Variants in ARHGEF18 observed in about 807,000 individuals in gnomAD.
ARHGEF18 encodes the protein Rho/Rac guanine nucleotide exchange factor 18.
A neutral mutation model predicts 155.7 loss-of-function variants in ARHGEF18; 93 were observed. The observed-to-expected ratio is 0.60, with a 90% confidence interval of 0.50 to 0.71. The LOEUF is 0.71. ARHGEF18 is among the 30% of genes least tolerant of loss of function. The pLI is 0.00. For missense variants in ARHGEF18, 1,593 were observed against 1,816.1 expected, an observed-to-expected ratio of 0.88 and a Z score of 2.23; for synonymous variants, 742 against 753.1, an observed-to-expected ratio of 0.99 and a Z score of 0.24.
Position 7,431,100 on chromosome 19 carries a change from G to A in ARHGEF18, c.968-9244G>A, listed in dbSNP as rs1233746216. On this transcript the variant is annotated intron_variant, in intron 10 of 28. Coordinates refer to ENST00000668164, the MANE Select transcript of ARHGEF18 (RefSeq NM_001367823.1). ...GACAAGGAGGTTGAGGCTGCAGTGA[G>A]CCGTGATCGTGCCTGTGTACTATAG... is the stretch of plus-strand genomic sequence containing the variant. Among the ~76,000 whole-genome samples, 4 of 152,234 alleles carry A rather than the reference G, an allele frequency of 2.6e-5. No individual in the cohort carries two copies. In the East Asian group the frequency reaches 5.8e-4, roughly 22 times the overall value.
chr19:7,434,087 A>G (rs1974122716), intron 10 of ARHGEF18, among the ~76,000 whole-genome samples: 1 of 151,388 alleles, frequency 6.6e-6, no homozygotes, highest in South Asian at 2.1e-4. Context: ...TGCAGGTGGG[A>G]TCCTGACACC....
chr19:7,470,015 C>T lies in ARHGEF18; in HGVS notation c.3899C>T (p.Pro1300Leu), dbSNP rs765250015. 5 of 1,613,046 alleles carry T rather than the reference C, an allele frequency of 3.1e-6. No individual in the cohort carries two copies. The highest frequency in any genetic ancestry group is 8.5e-7 in the Non-Finnish European group (1 of 1,179,886). Residue 1300 changes from proline to leucine, a missense_variant, in exon 28 of 29, where the codon CCT becomes CTT. Pro to Leu is a moderately conservative substitution (Grantham distance 98). Transcript: ENST00000668164. This position sits in a 1 kb window ranked among gnomAD's most constrained non-coding sequence, Gnocchi z 5.9. ...LSPILPGRHSPAPPPDPGFPA... is the reference protein window; with the variant it reads ...LSPILPGRHSLAPPPDPGFPA... ...CCTATCCTGCCCGGCAGACACAGTC[C>T]TGCGCCCCCACCAGGTGAGCCCCCA... is the stretch of plus-strand genomic sequence containing the variant.
chr19:7,441,032 T>C (rs1244908478), intron 11 of ARHGEF18, among the ~76,000 whole-genome samples: 1 of 151,890 alleles, frequency 6.6e-6, no homozygotes, highest in Non-Finnish European at 1.5e-5. Flanking sequence ...GTAGACAGGA[T>C]CCCAGGGGCC....
At chr19:7,355,936 C>T (rs868571059) in intron 1 of ARHGEF18, among the ~76,000 whole-genome samples, 1 of 152,142 alleles carries the variant, frequency 6.6e-6, no homozygotes, top group Non-Finnish European at 1.5e-5. Flanking sequence ...GAATTTGTCT[C>T]GGGCGGTAAA....
chr19:7,354,141 C>A (rs1969225211), intron 1 of ARHGEF18, among the ~76,000 whole-genome samples: 2 of 151,222 alleles, frequency 1.3e-5, no homozygotes, highest in Admixed American at 6.6e-5. Flanking sequence ...AGACCCCATC[C>A]CTACAAAAAA....
intron 16 of ARHGEF18, among the ~76,000 whole-genome samples, chr19:7,451,791 G>T (rs773325498): frequency 6.6e-6 from 1 of 151,742 alleles, no homozygotes; most frequent in South Asian, 2.1e-4. Context: ...GCACGATCTC[G>T]GCTCACTGCA....
At chr19:7,441,478 C>A (rs1337931575) in intron 11 of ARHGEF18, among the ~76,000 whole-genome samples, 175 bp from the exon 12 acceptor site, 1 of 152,142 alleles carries the variant, frequency 6.6e-6, no homozygotes, top group African/African-American at 2.4e-5. Flanking sequence ...CTGCACCTGG[C>A]AAATCTCCCA....
At chr19:7,394,991 A>G (rs1948020222) in intron 10 of ARHGEF18, 1 of 952,082 alleles carries the variant, frequency 1.1e-6, no homozygotes. Flanking sequence ...ACGCCCCCTC[A>G]CCACGGCTCG....
intron 10 of ARHGEF18, among the ~76,000 whole-genome samples, chr19:7,419,321 AC>A (rs1973214915): frequency 1.5e-5 from 2 of 133,576 alleles, no homozygotes. Context: ...TGGCCCCCAC[AC>A]CCGGGTGTGC....
chr19:7,389,839 G>T (rs1971298669), intron 10 of ARHGEF18, among the ~76,000 whole-genome samples: 1 of 152,084 alleles, frequency 6.6e-6, no homozygotes, highest in South Asian at 2.1e-4. Context: ...CTTTCTCCTG[G>T]AGACATCATT....
intron 10 of ARHGEF18, among the ~76,000 whole-genome samples, chr19:7,435,194 C>T (rs1974189907): frequency 6.6e-6 from 1 of 151,112 alleles, no homozygotes; most frequent in East Asian, 1.9e-4. Context: ...AGCGAGACTC[C>T]ATCTCAAAAA....
chr19:7,398,708 T>TAAAGAAAG (rs765554342), intron 10 of ARHGEF18, among the ~76,000 whole-genome samples: 3,880 of 147,662 alleles, frequency 0.026, 179 homozygotes, highest in African/African-American at 0.088. Flanking sequence ...AAAAAAAAAA[T>TAAAGAAAG]AAAGAAAGAA....
At chr19:7,453,335 C>T in intron 16 of ARHGEF18, 132 bp from the exon 17 acceptor site, 2 of 1,074,204 alleles carry the variant, frequency 1.9e-6, no homozygotes, top group Non-Finnish European at 2.5e-6. Context: ...GAACACACCT[C>T]ATAGATCCCA....
intron 1 of ARHGEF18, among the ~76,000 whole-genome samples, chr19:7,351,209 C>T (rs775746345): frequency 5.3e-5 from 8 of 152,244 alleles, no homozygotes; most frequent in African/African-American, 1.4e-4. Flanking sequence ...TGTCCCCAGG[C>T]CTTCCTTCCT....
rs574266652 is a variant in ARHGEF18, at chr19:7,470,266, G to C, written c.4054G>C (p.Asp1352His). The C allele has an allele frequency of 6.4e-7, 1 of 1,563,086 alleles. No homozygotes were observed. The highest frequency in any genetic ancestry group is 8.6e-7 in the Non-Finnish European group (1 of 1,156,854). The change falls in exon 29 of 29, where the codon GAC becomes CAC. Residue 1352 changes from aspartate to histidine, a missense_variant. Coordinates refer to ENST00000668164, the MANE Select transcript of ARHGEF18 (RefSeq NM_001367823.1). The surrounding 1 kb of genome is among the most constrained non-coding windows in gnomAD (Gnocchi z 5.9). The stretch of plus-strand genomic sequence containing the variant: ...GGCCACACCACTCAGCGCCAAGGAG[G>C]ACGCCAGCAAAGAAGACGTCATCTT... ...LPATPLSAKE[D>H]ASKEDVIFF
At chr19:7,420,326 A>C (rs1973277984) in intron 10 of ARHGEF18, among the ~76,000 whole-genome samples, 1 of 152,120 alleles carries the variant, frequency 6.6e-6, no homozygotes, top group African/African-American at 2.4e-5. Flanking sequence ...GCAGTGGCAC[A>C]ATCTGCAACC....
intron 10 of ARHGEF18, among the ~76,000 whole-genome samples, chr19:7,428,754 C>G (rs989847238): frequency 5.3e-5 from 8 of 152,132 alleles, no homozygotes; most frequent in Non-Finnish European, 1.0e-4. Flanking sequence ...TGGGCCCCTG[C>G]AGGTCGAACC....
At chr19:7,439,902 A>C in intron 10 of ARHGEF18, 1 of 1,450,256 alleles carries the variant, frequency 6.9e-7, no homozygotes, top group Admixed American at 2.8e-5. Flanking sequence ...TTTCTGTTTT[A>C]TTCTATCAAA....
intron 2 of ARHGEF18, among the ~76,000 whole-genome samples, chr19:7,369,233 G>C (rs1207791372): frequency 6.6e-6 from 1 of 151,452 alleles, no homozygotes; most frequent in Non-Finnish European, 1.5e-5. Context: ...AGGCTGAGGC[G>C]GATGGATCAT....
Sources: allele counts gnomAD v4.1 joint callset (sites outside exome capture counted in the v4.1 genomes callset), GRCh38; gene constraint gnomAD v4.1.1; non-coding constraint Gnocchi (gnomAD v3.1); transcripts MANE v1.5; gene names NCBI Gene and HGNC (gene_info 2026-07-23, HGNC 2026-07-21).